CNST: variants seen among roughly 807,000 people sequenced by gnomAD.
The protein encoded by CNST is consortin.
CNST carries 39 observed loss-of-function variants against 72.4 expected under a neutral mutation model. That is an observed-to-expected ratio of 0.54 (90% CI 0.42 to 0.70). CNST has a LOEUF of 0.70. Ranked by LOEUF, CNST falls within the 30% of genes least tolerant of loss-of-function variation. The probability of loss-of-function intolerance (pLI) is 0.00; values close to 1 mark genes in which losing one functional copy is unlikely to be tolerated. For missense variants in CNST, 871 were observed against 868.5 expected (o/e 1.00, Z -0.04); for synonymous variants, 332 against 320.1 (o/e 1.04, Z -0.40).
intron 2 of CNST, chr1:246,606,470 C>T (rs1464877754): frequency 2.0e-5 from 3 of 152,172 alleles, no homozygotes; most frequent in African/African-American, 4.8e-5. Context: ...ACCGCACCCT[C>T]TTCTGTTAAT....
In CNST at chr1:246,584,418, C is replaced by T. The variant is rs183423351; in HGVS notation, c.-51-7094C>T. Among the ~76,000 whole-genome samples the T allele has an allele frequency of 1.2e-4, 18 of 152,032 alleles. No homozygotes were observed. In the East Asian group the frequency reaches 1.5e-3, roughly 13 times the overall value. ...TGTCCACATAAAGTGGGAAGAATGGCGGTGCAGTCAAGAATAAAGAGGGAG... is the reference window on the plus strand; with the variant it reads ...TGTCCACATAAAGTGGGAAGAATGGTGGTGCAGTCAAGAATAAAGAGGGAG... On this transcript the variant is annotated intron_variant, in intron 1 of 10. Coordinates refer to ENST00000366513, the MANE Select transcript of CNST (RefSeq NM_152609.3).
In CNST at chr1:246,625,289, C is replaced by T. The variant is rs940822806; in HGVS notation, c.585+3655C>T. On this transcript the variant is annotated intron_variant, in intron 3 of 10. Coordinates refer to ENST00000366513, the MANE Select transcript of CNST (RefSeq NM_152609.3). ...CTTTAGTCTCCTGTAATCCAGAATGCTCCCAGCCTTTCTATCTGTATCAGT... is the reference window on the plus strand; with the variant it reads ...CTTTAGTCTCCTGTAATCCAGAATGTTCCCAGCCTTTCTATCTGTATCAGT... Among the ~76,000 whole-genome samples, 13 of 152,228 alleles carry T rather than the reference C, an allele frequency of 8.5e-5. 1 individual carries two copies. The highest frequency in any genetic ancestry group is 3.1e-4 in the African/African-American group (13 of 41,572).
At chr1:246,653,771 C>A (rs74504173) in intron 9 of CNST, among the ~76,000 whole-genome samples, 1 of 152,046 alleles carries the variant, frequency 6.6e-6, no homozygotes, top group African/African-American at 2.4e-5. Context: ...TCTTCCTGGA[C>A]TTTTGCAGTA....
At chr1:246,572,979 C>T (rs1660160613) in intron 1 of CNST, among the ~76,000 whole-genome samples, 1 of 152,114 alleles carries the variant, frequency 6.6e-6, no homozygotes, top group African/African-American at 2.4e-5. Flanking sequence ...ATGTAACCAA[C>T]AGGATTTCCT....
At chr1:246,572,780 C>T (rs1055375288) in intron 1 of CNST, among the ~76,000 whole-genome samples, 2 of 152,110 alleles carry the variant, frequency 1.3e-5, no homozygotes, top group Non-Finnish European at 2.9e-5. Flanking sequence ...CTAGGGTGGT[C>T]TTGAACTCCT....
At chr1:246,588,680 G>C (rs1661347557) in intron 1 of CNST, among the ~76,000 whole-genome samples, 1 of 152,120 alleles carries the variant, frequency 6.6e-6, no homozygotes, top group African/African-American at 2.4e-5. Context: ...TATATCTAAA[G>C]TATTATTTCA....
At chr1:246,601,368 G>A (rs970693767) in intron 2 of CNST, among the ~76,000 whole-genome samples, 12 of 152,150 alleles carry the variant, frequency 7.9e-5, no homozygotes, top group Admixed American at 7.2e-4. Flanking sequence ...AAATGATGAT[G>A]AGCCACCAAC....
Position 246,647,311 on chromosome 1 carries a change from G to T in CNST, c.1110G>T (p.Thr370=), listed in dbSNP as rs140541041. Reference sequence around the variant, plus strand: ...AGCTGCTCTGCAGCGCTGAAGCCACGTTAGCGCTCCACACCCAGTCCTCCG... The same window carrying T: ...AGCTGCTCTGCAGCGCTGAAGCCACTTTAGCGCTCCACACCCAGTCCTCCG... The part of the protein sequence containing the change: ...MEELLCSAEA[T]LALHTQSSET... The change falls in exon 9 of 11, where the codon ACG becomes ACT. Residue 370 remains threonine (T), a synonymous_variant. Transcript: ENST00000366513. The T allele has an allele frequency of 2.5e-6, 4 of 1,613,992 alleles. No individual in the cohort carries two copies. The highest frequency in any genetic ancestry group is 4.5e-5 in the East Asian group (2 of 44,884).
At position 246,647,707 on chromosome 1, in the gene CNST, C is replaced by G; in HGVS notation, c.1506C>G (p.Asp502Glu). ...SDGKSPQAQA[D>E]SDGSENVLCG... is the part of the protein sequence containing the mutation. ...GAAAATCACCACAGGCGCAGGCTGACTCAGACGGTTCTGAGAATGTGCTCT... is the reference window on the plus strand; with the variant it reads ...GAAAATCACCACAGGCGCAGGCTGAGTCAGACGGTTCTGAGAATGTGCTCT... Residue 502 changes from aspartate to glutamate, a missense_variant, in exon 9 of 11, where the codon GAC becomes GAG. Coordinates refer to ENST00000366513, the MANE Select transcript of CNST (RefSeq NM_152609.3). 2 of 1,614,162 alleles carry G rather than the reference C, an allele frequency of 1.2e-6. No individual in the cohort carries two copies. Among genetic ancestry groups the G allele is most frequent in the Non-Finnish European group, 1.7e-6 (2 of 1,180,028 alleles).
At chr1:246,574,553 G>T (rs910608806) in intron 1 of CNST, among the ~76,000 whole-genome samples, 2 of 152,008 alleles carry the variant, frequency 1.3e-5, no homozygotes, top group Non-Finnish European at 2.9e-5. Context: ...AGCCTCCCTA[G>T]TAGCTGGGAC....
intron 1 of CNST, among the ~76,000 whole-genome samples, chr1:246,585,703 ACACACAC>A (rs1479194140): frequency 1.6e-4 from 23 of 141,256 alleles, no homozygotes; most frequent in African/African-American, 6.5e-4. Context: ...ACACACACAC[ACACACAC>A]ACTATATATG....
In CNST at chr1:246,665,731, G is replaced by T. The variant is rs775687180; in HGVS notation, c.2004G>T (p.Leu668=). Residue 668 remains leucine (L), a synonymous_variant, in exon 11 of 11, where the codon CTG becomes CTT. Transcript: ENST00000366513. ...TTGGAGGTGGCTCCTGTATTTTGCT[G>T]GTCTTGCTGTGCATAGCAACGGTTT... ...DEVGGGSCIL[L]VLLCIATVFL... is the part of the protein sequence containing the mutation. 1 of 1,613,362 alleles carries T rather than the reference G, an allele frequency of 6.2e-7. No homozygotes were observed.
rs1667381295 is a variant in CNST at position 246,666,131 on chromosome 1, G to T, written c.*226G>T. On this transcript the variant is annotated 3_prime_UTR_variant, in exon 11 of 11. Coordinates refer to ENST00000366513, the MANE Select transcript of CNST (RefSeq NM_152609.3). ...TTGTGGATGGAAGGAATGGTCTTTG[G>T]AGAGAGCATATCCATCTCCTCCTCA... 1 of 522,134 alleles carries T rather than the reference G, an allele frequency of 1.9e-6. No individual in the cohort carries two copies. Among genetic ancestry groups the T allele is most frequent in the Admixed American group, 3.3e-5 (1 of 30,008 alleles). 32.3% of individuals were successfully genotyped at this position (522,134 alleles called of 1,614,324 possible).
At chr1:246,660,571 GAA>G (rs1177972888) in intron 10 of CNST, among the ~76,000 whole-genome samples, 1 of 151,986 alleles carries the variant, frequency 6.6e-6, no homozygotes, top group Non-Finnish European at 1.5e-5. Context: ...ACTAAAATTA[GAA>G]AAATTAGCGA....
chr1:246,662,798 CTAAG>C (rs1346117474), intron 10 of CNST, among the ~76,000 whole-genome samples: 14 of 152,202 alleles, frequency 9.2e-5, no homozygotes, highest in African/African-American at 3.4e-4. Flanking sequence ...TTTTTTCACA[CTAAG>C]TATTCAGAAT....
chr1:246,595,805 C>CTA (rs1320459059), intron 2 of CNST, among the ~76,000 whole-genome samples: 3 of 152,038 alleles, frequency 2.0e-5, no homozygotes, highest in Admixed American at 2.0e-4. Flanking sequence ...TTTATTCACT[C>CTA]TATGCTCCCT....
intron 9 of CNST, among the ~76,000 whole-genome samples, chr1:246,653,051 G>A (rs1186834314): frequency 1.3e-5 from 2 of 151,728 alleles, no homozygotes; most frequent in Non-Finnish European, 2.9e-5. Flanking sequence ...AGCAACTCAT[G>A]TTCCTTGCCC....
intron 1 of CNST, among the ~76,000 whole-genome samples, chr1:246,588,238 T>C (rs965551520): frequency 1.3e-5 from 2 of 152,170 alleles, no homozygotes; most frequent in Non-Finnish European, 2.9e-5. Flanking sequence ...GAAAGGCCGT[T>C]TTACTAGTTT....
intron 2 of CNST, chr1:246,607,374 C>T (rs1662937221): frequency 6.6e-6 from 1 of 152,110 alleles, no homozygotes; most frequent in South Asian, 2.1e-4. Flanking sequence ...ATCTACAAAC[C>T]GGTTTTTTCC....
Sources: allele counts gnomAD v4.1 joint callset (sites outside exome capture counted in the v4.1 genomes callset), GRCh38; gene constraint gnomAD v4.1.1; transcripts MANE v1.5; gene names NCBI Gene and HGNC (gene_info 2026-07-23, HGNC 2026-07-21).